DDAH1: variants seen among roughly 807,000 people sequenced by gnomAD.
DDAH1 encodes the protein N(G),N(G)-dimethylarginine dimethylaminohydrolase 1.
A neutral mutation model predicts 28.8 loss-of-function variants in DDAH1; 19 were observed. The observed-to-expected ratio is 0.66, with a 90% confidence interval of 0.46 to 0.97. The LOEUF is 0.97. DDAH1 is among the 50% of genes least tolerant of loss of function. DDAH1 has a pLI of 0.00. For synonymous variants in DDAH1, 153 were observed against 154.4 expected (o/e 0.99, Z 0.07); for missense variants, 326 against 375.9 (o/e 0.87, Z 1.10).
rs148511053 is a variant in DDAH1, at chr1:85,375,565, T to A, written c.304-16718A>T. Among the ~76,000 whole-genome samples the A allele has an allele frequency of 4.6e-5, 7 of 152,304 alleles. No individual in the cohort carries two copies. The East Asian group carries it at 1.3e-3, about 29-fold the overall frequency. On this transcript the variant is annotated intron_variant, in intron 1 of 5. Coordinates refer to ENST00000284031, the MANE Select transcript of DDAH1 (RefSeq NM_012137.4). ...CCATTATTGTGCTTGAATAGCCATA[T>A]TCCATTAAATTGCTAATAAACCTAC...
At chr1:85,392,658 T>C (rs1447938904) in intron 1 of DDAH1, among the ~76,000 whole-genome samples, 1 of 151,714 alleles carries the variant, frequency 6.6e-6, no homozygotes, top group African/African-American at 2.4e-5. Context: ...CTGGGCGTGG[T>C]GGCATGTGCC....
At chr1:85,395,184 T>C (rs1651749175) in intron 1 of DDAH1, among the ~76,000 whole-genome samples, 1 of 151,750 alleles carries the variant, frequency 6.6e-6, no homozygotes, top group Non-Finnish European at 1.5e-5. Context: ...ATGGAGAAAA[T>C]GGAAACAAGG....
At chr1:85,335,565 CAAAG>C (rs935692413) in intron 4 of DDAH1, among the ~76,000 whole-genome samples, 11 of 151,864 alleles carry the variant, frequency 7.2e-5, no homozygotes, top group Non-Finnish European at 1.2e-4. Context: ...TAAAAAGAAA[CAAAG>C]AAGGTTATTA....
chr1:85,330,717 T>TC (rs1383525366), intron 4 of DDAH1, among the ~76,000 whole-genome samples: 4 of 152,344 alleles, frequency 2.6e-5, no homozygotes, highest in African/African-American at 7.2e-5. Context: ...AAGGAATGAT[T>TC]CCACTTTATG....
chr1:85,567,637 T>C (rs1041087216), intron 1 of DDAH1, among the ~76,000 whole-genome samples: 2 of 152,098 alleles, frequency 1.3e-5, no homozygotes, highest in Non-Finnish European at 2.9e-5. Flanking sequence ...AATGAAAGAG[T>C]CATTTCAGAA....
rs573411398 is a variant in DDAH1 at position 85,560,213 on chromosome 1, G to A, written c.-123+17771C>T. Among the ~76,000 whole-genome samples, 9 of 152,012 alleles carry A rather than the reference G, an allele frequency of 5.9e-5. No homozygotes were observed. The South Asian group carries it at 8.3e-4, about 14-fold the overall frequency. On this transcript the variant is annotated intron_variant, in intron 1 of 6. Coordinates refer to the DDAH1 transcript ENST00000426972. ...GGAAAGCCTGTCAATCTACAATTCC[G>A]AACCCAGAAAAAATATTCTGCCTAA... is the stretch of plus-strand genomic sequence containing the variant.
At chr1:85,568,410 T>C (rs957241088) in intron 1 of DDAH1, among the ~76,000 whole-genome samples, 3 of 152,188 alleles carry the variant, frequency 2.0e-5, no homozygotes, top group African/African-American at 7.2e-5. Flanking sequence ...TTTTACCCAA[T>C]ATGCTCTCCC....
intron 1 of DDAH1, among the ~76,000 whole-genome samples, chr1:85,438,750 T>G (rs576292723): frequency 6.6e-6 from 1 of 152,342 alleles, no homozygotes; most frequent in South Asian, 2.1e-4. Context: ...AGAACAGGGA[T>G]CAAGATGATC....
At chr1:85,469,699 G>A (rs922022268), upstream of DDAH1, among the ~76,000 whole-genome samples, 3 of 152,048 alleles carry the variant, frequency 2.0e-5, no homozygotes, top group Non-Finnish European at 2.9e-5. Flanking sequence ...GCCTTCCTAG[G>A]TTGACAGACC....
intron 2 of DDAH1, among the ~76,000 whole-genome samples, chr1:85,479,159 C>CTTTTTTT (rs35629726): frequency 0.011 from 854 of 78,234 alleles, no homozygotes; most frequent in Non-Finnish European, 0.014. Context: ...TTCTGTTTTT[C>CTTTTTTT]TTTTTTTTTT....
chr1:85,345,204 G>C (rs986694301), intron 4 of DDAH1, among the ~76,000 whole-genome samples: 7 of 152,042 alleles, frequency 4.6e-5, no homozygotes, highest in African/African-American at 1.2e-4. Context: ...TTATTCTTTG[G>C]GGGGGTTGGC....
chr1:85,533,406 C>A (rs1362108388), intron 1 of DDAH1, among the ~76,000 whole-genome samples: 1 of 151,944 alleles, frequency 6.6e-6, no homozygotes, highest in South Asian at 2.1e-4. Flanking sequence ...ATCCTCCCAC[C>A]CTGGCCTCCT....
intron 1 of DDAH1, among the ~76,000 whole-genome samples, chr1:85,441,325 G>A (rs1352426348): frequency 1.6e-4 from 25 of 152,036 alleles, no homozygotes; most frequent in Admixed American, 1.2e-3. Flanking sequence ...GGCAGGTCAC[G>A]AGGTCAGGAG....
chr1:85,339,874 C>T (rs577107258), intron 4 of DDAH1, among the ~76,000 whole-genome samples: 18 of 152,270 alleles, frequency 1.2e-4, no homozygotes, highest in African/African-American at 3.8e-4. Flanking sequence ...GTTTCCTAAT[C>T]CCTTCAAGAC....
At chr1:85,429,979 T>G (rs1258516761) in intron 1 of DDAH1, among the ~76,000 whole-genome samples, 1 of 152,220 alleles carries the variant, frequency 6.6e-6, no homozygotes, top group Non-Finnish European at 1.5e-5. Context: ...GATGGTAGTT[T>G]CTTTTGCTGT....
At chr1:85,422,301 A>C (rs2100616525) in intron 1 of DDAH1, among the ~76,000 whole-genome samples, 1 of 151,274 alleles carries the variant, frequency 6.6e-6, no homozygotes, top group African/African-American at 2.4e-5. Context: ...TTTGGATACA[A>C]CTCCTCTATC....
At chr1:85,567,577 C>A (rs560174186) in intron 1 of DDAH1, among the ~76,000 whole-genome samples, 77 of 152,130 alleles carry the variant, frequency 5.1e-4, no homozygotes, top group African/African-American at 1.8e-3. Context: ...TTTAAATTGC[C>A]CAGTCTCAGG....
intron 1 of DDAH1, among the ~76,000 whole-genome samples, chr1:85,411,008 T>C (rs1169027575): frequency 6.6e-6 from 1 of 152,170 alleles, no homozygotes; most frequent in Non-Finnish European, 1.5e-5. Context: ...GATAGCACTG[T>C]TCATCCATGG....
chr1:85,382,158 T>C (rs866429607), intron 1 of DDAH1, among the ~76,000 whole-genome samples: 3 of 152,126 alleles, frequency 2.0e-5, no homozygotes, highest in Admixed American at 6.5e-5. Flanking sequence ...CAAGTTGTGA[T>C]TGTAAAGGAA....
Sources: allele counts gnomAD v4.1 joint callset (sites outside exome capture counted in the v4.1 genomes callset), GRCh38; gene constraint gnomAD v4.1.1; transcripts MANE v1.5; gene names NCBI Gene and HGNC (gene_info 2026-07-23, HGNC 2026-07-21).